TTLL11: variants seen among roughly 807,000 people sequenced by gnomAD.
TTLL11 encodes tubulin polyglutamylase TTLL11.
TTLL11 carries 42 observed loss-of-function variants against 51.7 expected under a neutral mutation model. The observed-to-expected ratio is 0.81, with a 90% CI of 0.64 to 1.05. TTLL11 has a LOEUF of 1.05. TTLL11 is among the 50% of genes least tolerant of loss of function. The probability of loss-of-function intolerance (pLI) is 0.00; values close to 1 mark genes in which losing one functional copy is unlikely to be tolerated. For missense variants in TTLL11, 799 were observed against 940.4 expected (o/e 0.85, Z 1.97); for synonymous variants, 381 against 383.5 (o/e 0.99, Z 0.08).
intron 6 of TTLL11, among the ~76,000 whole-genome samples, chr9:121,898,579 C>T (rs558216010): frequency 2.2e-4 from 34 of 152,228 alleles, no homozygotes; most frequent in Non-Finnish European, 4.4e-4. Flanking sequence ...AGGGTCCTAA[C>T]GCTCCCACCA....
At chr9:122,050,915 C>G (rs1845140087) in intron 1 of TTLL11, among the ~76,000 whole-genome samples, 1 of 152,104 alleles carries the variant, frequency 6.6e-6, no homozygotes, top group African/African-American at 2.4e-5. Context: ...ATGAAAAAGC[C>G]TAAGCCAGAA....
rs76459727 is a variant in TTLL11, at chr9:122,005,226, C to T, written c.694-15456G>A. 7.8e-3 allele frequency among the ~76,000 whole-genome samples: 1,182 copies of T among 152,262 alleles called. 15 individuals carry two copies. Among genetic ancestry groups the T allele is most frequent in the African/African-American group, 0.028 (1,148 of 41,554 alleles). ...TGTCCGGGTGCGGAGGGGATTCACT[C>T]GGCGGGGGAGTGGCCTGGATGGTCT... is the stretch of plus-strand genomic sequence containing the variant. On this transcript the variant is annotated intron_variant, in intron 3 of 8. Coordinates refer to ENST00000321582, the MANE Select transcript of TTLL11 (RefSeq NM_001139442.2).
chr9:121,876,272 T>C (rs1047885823), intron 6 of TTLL11, among the ~76,000 whole-genome samples: 5 of 152,368 alleles, frequency 3.3e-5, no homozygotes, highest in African/African-American at 9.6e-5. Context: ...TTCCAGAAAT[T>C]AACAGAGAAG....
intron 7 of TTLL11, among the ~76,000 whole-genome samples, chr9:121,861,656 A>C (rs1838017102): frequency 6.6e-6 from 1 of 152,144 alleles, no homozygotes; most frequent in South Asian, 2.1e-4. Context: ...GGCCCTCGGC[A>C]CTGCCCTCTC....
At chr9:122,030,071 T>C (rs1844484651) in intron 3 of TTLL11, among the ~76,000 whole-genome samples, 1 of 151,952 alleles carries the variant, frequency 6.6e-6, no homozygotes, top group Admixed American at 6.6e-5. Context: ...AATGATGAAA[T>C]CACCCAATGA....
At chr9:121,898,783 G>A (rs1161750330) in intron 6 of TTLL11, among the ~76,000 whole-genome samples, 3 of 152,216 alleles carry the variant, frequency 2.0e-5, no homozygotes, top group Non-Finnish European at 4.4e-5. Context: ...CCTCCTGAGT[G>A]GCTAAGACTA....
chr9:121,980,168 A>G (rs1302080076), intron 4 of TTLL11, among the ~76,000 whole-genome samples: 2 of 134,738 alleles, frequency 1.5e-5, no homozygotes, highest in Non-Finnish European at 3.3e-5. Flanking sequence ...TCTACCTAGG[A>G]GGGCCAGGGG....
intron 6 of TTLL11, among the ~76,000 whole-genome samples, chr9:121,933,261 C>T (rs1004579636): frequency 6.6e-6 from 1 of 151,930 alleles, no homozygotes; most frequent in Non-Finnish European, 1.5e-5. Flanking sequence ...CCATAGATGC[C>T]GGGAAAGAGA....
intron 7 of TTLL11, among the ~76,000 whole-genome samples, chr9:121,866,108 G>T (rs912016645): frequency 6.6e-6 from 1 of 152,170 alleles, no homozygotes; most frequent in Non-Finnish European, 1.5e-5. Flanking sequence ...TGTATATCTC[G>T]CCAGTGAATA....
intron 6 of TTLL11, among the ~76,000 whole-genome samples, chr9:121,887,666 C>T (rs1407021561): frequency 6.6e-6 from 1 of 152,204 alleles, no homozygotes; most frequent in African/African-American, 2.4e-5. Context: ...GCCAGAAGGC[C>T]GACCACAGCG....
At chr9:122,004,070 C>T (rs62574011) in intron 3 of TTLL11, among the ~76,000 whole-genome samples, 6 of 151,248 alleles carry the variant, frequency 4.0e-5, no homozygotes, top group African/African-American at 7.3e-5. Context: ...TGCAGTGAGC[C>T]GAGACCACGC....
intron 4 of TTLL11, among the ~76,000 whole-genome samples, chr9:121,982,059 T>C (rs902443901): frequency 2.0e-5 from 3 of 152,192 alleles, no homozygotes; most frequent in Admixed American, 6.5e-5. Context: ...TTTCTGTAAT[T>C]CTGCCCCACA....
intron 6 of TTLL11, among the ~76,000 whole-genome samples, chr9:121,909,030 C>T (rs1840027985): frequency 6.6e-6 from 1 of 152,220 alleles, no homozygotes; most frequent in African/African-American, 2.4e-5. Flanking sequence ...TACATTCATT[C>T]ATTCTTCCAT....
At chr9:122,022,526 T>C (rs1332197104) in intron 3 of TTLL11, among the ~76,000 whole-genome samples, 1 of 152,014 alleles carries the variant, frequency 6.6e-6, no homozygotes, top group African/African-American at 2.4e-5. Flanking sequence ...CCTAGAATTC[T>C]ACACCTAGAG....
At position 121,860,439 on chromosome 9, in the gene TTLL11, A is replaced by C. The variant is rs1284227837; in HGVS notation, c.1738T>G (p.Cys580Gly). ...PTGFRTFIRS[C>G]KLSSSSLSMA... ...GACAGGCTGCTGCTGCTGAGTTTGCAGCTCCTGCCAACAATGGGAAGTGAC... is the reference window on the plus strand; with the variant it reads ...GACAGGCTGCTGCTGCTGAGTTTGCCGCTCCTGCCAACAATGGGAAGTGAC... Residue 580 changes from cysteine to glycine, a missense_variant, in exon 8 of 9, where the codon TGC (cysteine) becomes GGC (glycine). Coordinates refer to ENST00000321582, the MANE Select transcript of TTLL11 (RefSeq NM_001139442.2). 2 of 1,550,652 alleles carry C rather than the reference A, an allele frequency of 1.3e-6. No homozygotes were observed.
At position 121,989,497 on chromosome 9, in the gene TTLL11, A is replaced by C. The variant is rs766065201; in HGVS notation, c.967T>G (p.Cys323Gly). Residue 323 changes from cysteine to glycine, a missense_variant, in exon 4 of 9, where the codon TGT (cysteine) becomes GGT (glycine). Cys to Gly is a radical substitution (Grantham distance 159, BLOSUM62 -3). Transcript: ENST00000321582. The surrounding 1 kb of genome is among the most constrained non-coding windows in gnomAD (Gnocchi z 4.2). ...GTGGGCTCCTGATATGGCTCGGTAC[A>C]AAACCTAGAGAGTCCGTCTTTGGCT... Reference protein sequence around the residue: ...YIAKDGLSRFCTEPYQEPTPK... With the variant: ...YIAKDGLSRFGTEPYQEPTPK... 7.4e-6 allele frequency: 12 copies of C among 1,614,168 alleles called. No homozygotes were observed. Among genetic ancestry groups the C allele is most frequent in the Non-Finnish European group, 1.0e-5 (12 of 1,180,038 alleles).
chr9:121,864,222 ATGAAT>A lies in TTLL11; in HGVS notation c.1734-3784_1734-3780del, dbSNP rs1838108871. 2.0e-5 allele frequency among the ~76,000 whole-genome samples: 3 copies of A among 152,334 alleles called. No individual in the cohort carries two copies. The South Asian group carries it at 6.2e-4, about 32-fold the overall frequency. On this transcript the variant is annotated intron_variant, in intron 7 of 8. Transcript: ENST00000321582. ...GGCAGTATTCTGGGCTTGGACAGCA[ATGAAT>A]TGCTGAATGGGCCTTGGATACCGTT... is the stretch of plus-strand genomic sequence containing the variant.
At chr9:121,970,535 G>T (rs561638866) in intron 6 of TTLL11, among the ~76,000 whole-genome samples, 1 of 152,092 alleles carries the variant, frequency 6.6e-6, no homozygotes, top group Non-Finnish European at 1.5e-5. Context: ...AAAAGTGGGC[G>T]AATGATATGA....
intron 3 of TTLL11, among the ~76,000 whole-genome samples, chr9:122,017,325 T>C (rs1844016736): frequency 6.6e-6 from 1 of 152,158 alleles, no homozygotes; most frequent in South Asian, 2.1e-4. Context: ...TATTCTTTAG[T>C]ATGTCAATTC....
Sources: allele counts gnomAD v4.1 joint callset (sites outside exome capture counted in the v4.1 genomes callset), GRCh38; gene constraint gnomAD v4.1.1; non-coding constraint Gnocchi (gnomAD v3.1); transcripts MANE v1.5; gene names NCBI Gene and HGNC (gene_info 2026-07-23, HGNC 2026-07-21).